MRPL43: variants seen among roughly 807,000 people sequenced by gnomAD.
MRPL43 encodes the protein large ribosomal subunit protein mL43.
In MRPL43, 9 loss-of-function variants were observed where a neutral mutation model predicts 12.7. The observed-to-expected ratio is 0.71, with a 90% CI of 0.43 to 1.24. The LOEUF is 1.24. Ranked by LOEUF, MRPL43 falls within the 50% of genes most tolerant of loss-of-function variation. The pLI, the probability that MRPL43 is intolerant of heterozygous loss-of-function variation, is 0.00. For missense variants in MRPL43, 211 were observed against 229.2 expected, an observed-to-expected ratio of 0.92 and a Z score of 0.51; for synonymous variants, 116 against 96.4, an observed-to-expected ratio of 1.20 and a Z score of -1.19.
chr10:100,979,823 C>A, downstream of MRPL43: 1 of 1,611,330 alleles, frequency 6.2e-7, no homozygotes, highest in Non-Finnish European at 8.5e-7. Flanking sequence ...GTAACTCACC[C>A]CCCTTGCCCT....
downstream of MRPL43, chr10:100,981,171 A>G (rs138772734): frequency 2.4e-5 from 39 of 1,614,266 alleles, 1 homozygote; most frequent in African/African-American, 4.7e-4. Context: ...GTCCCAGGAC[A>G]GCACTGATAC....
At chr10:100,979,507 C>T (rs548843342), downstream of MRPL43, 16 of 1,145,330 alleles carry the variant, frequency 1.4e-5, no homozygotes, top group East Asian at 1.6e-4. Context: ...CTCGGCCTCC[C>T]GAGTAGCTGG....
downstream of MRPL43, chr10:100,983,270 C>A (rs191363822): frequency 6.8e-7 from 1 of 1,475,262 alleles, no homozygotes; most frequent in Non-Finnish European, 9.0e-7. Flanking sequence ...CTTCCTGGGA[C>A]GGGCTGGTAC....
chr10:100,984,182 G>A, downstream of MRPL43: 4 of 1,551,730 alleles, frequency 2.6e-6, no homozygotes, highest in Non-Finnish European at 3.5e-6. Context: ...TCTGTCCCAG[G>A]CTGGGCCACT....
chr10:100,982,062 C>CAA (rs34646595), downstream of MRPL43, among the ~76,000 whole-genome samples: 755 of 126,652 alleles, frequency 6.0e-3, 1 homozygote, highest in African/African-American at 9.0e-3. Context: ...CATCTCATCT[C>CAA]AAAAAAAAAA....
chr10:100,983,625 C>A (rs772635727), downstream of MRPL43: 12 of 1,613,914 alleles, frequency 7.4e-6, no homozygotes, highest in African/African-American at 1.6e-4. Context: ...ACAGCTGGCA[C>A]CTGATGTGAG....
downstream of MRPL43, chr10:100,984,499 T>C (rs761133475): frequency 6.5e-7 from 1 of 1,535,156 alleles, no homozygotes; most frequent in South Asian, 1.2e-5. Context: ...GGCAGGGCTC[T>C]GCAGGTCCAT....
At chr10:100,984,760 G>A (rs2133912160), downstream of MRPL43, 1 of 1,536,064 alleles carries the variant, frequency 6.5e-7, no homozygotes, top group African/African-American at 1.4e-5. Context: ...GCCCCATGTG[G>A]TGACCTCTTT....
chr10:100,979,386 ATT>A (rs35784439), downstream of MRPL43: 819 of 1,453,298 alleles, frequency 5.6e-4, no homozygotes, highest in Admixed American at 1.7e-3. Flanking sequence ...CAAAGTGAGA[ATT>A]TTTTTTTTTT....
downstream of MRPL43, chr10:100,985,207 A>G: frequency 3.3e-6 from 1 of 303,340 alleles, no homozygotes; most frequent in Non-Finnish European, 6.1e-6. Flanking sequence ...CTCAACTGGC[A>G]CATGAAGCCC....
chr10:100,980,497 G>C, downstream of MRPL43: 1 of 1,400,536 alleles, frequency 7.1e-7, no homozygotes, highest in Non-Finnish European at 1.0e-6. Flanking sequence ...GGACTCCTGA[G>C]CTGTTCGTAT....
downstream of MRPL43, chr10:100,979,325 A>G (rs1449692520): frequency 1.9e-6 from 3 of 1,613,798 alleles, no homozygotes; most frequent in Non-Finnish European, 1.7e-6. Context: ...TAGGGGCTGG[A>G]GCAGAGGTCA....
chr10:100,977,856 A>C (rs1180714242), downstream of MRPL43: 7 of 793,932 alleles, frequency 8.8e-6, no homozygotes, highest in Non-Finnish European at 1.3e-5. Flanking sequence ...GGACTTCCAT[A>C]CAGGGCACTC....
intron 2 of MRPL43, 37 bp from the exon 3 acceptor site, chr10:100,987,012 C>T (rs750536801): frequency 6.2e-7 from 1 of 1,604,888 alleles, no homozygotes; most frequent in South Asian, 1.1e-5. Context: ...GGAAGCTGGC[C>T]GGTGCGACCA....
At chr10:100,979,866 A>G, downstream of MRPL43, 2 of 1,613,898 alleles carry the variant, frequency 1.2e-6, no homozygotes, top group Non-Finnish European at 1.7e-6. Context: ...TGGAGGCCTC[A>G]GCCATCTGCC....
chr10:100,978,043 C>T (rs1589985269), downstream of MRPL43: 2 of 574,750 alleles, frequency 3.5e-6, no homozygotes, highest in Non-Finnish European at 6.2e-6. Flanking sequence ...GGGCTAGGGG[C>T]TCAGATGTTC....
downstream of MRPL43, chr10:100,980,327 T>G (rs1457264028): frequency 2.5e-6 from 4 of 1,613,988 alleles, no homozygotes; most frequent in Non-Finnish European, 8.5e-7. Flanking sequence ...ACCTATGACC[T>G]GCTCTTTCTG....
chr10:100,978,108 AACAT>A (rs1850880182), downstream of MRPL43: 6 of 594,210 alleles, frequency 1.0e-5, no homozygotes, highest in South Asian at 1.0e-4. Context: ...TGGAACTCCA[AACAT>A]ACATTGTTTT....
At chr10:100,980,568 TCCATA>T (rs759015236), downstream of MRPL43, 5 of 1,611,744 alleles carry the variant, frequency 3.1e-6, no homozygotes, top group African/African-American at 6.7e-5. Flanking sequence ...CTCTGCTCTT[TCCATA>T]CCAGCTGATG....
Sources: allele counts gnomAD v4.1 joint callset (sites outside exome capture counted in the v4.1 genomes callset), GRCh38; gene constraint gnomAD v4.1.1; transcripts MANE v1.5; gene names NCBI Gene and HGNC (gene_info 2026-07-23, HGNC 2026-07-21).